PLCE1: variants seen among roughly 807,000 people sequenced by gnomAD.
PLCE1 encodes 1-phosphatidylinositol 4,5-bisphosphate phosphodiesterase epsilon-1.
Under a neutral mutation model 242.8 loss-of-function variants are expected in PLCE1, and 119 were observed. The ratio of observed to expected loss-of-function variants is 0.49; its 90% CI spans 0.42 to 0.57. PLCE1 has a LOEUF of 0.57. Among genes scored for constraint, PLCE1 ranks in the 20% least tolerant of loss-of-function variants. The pLI, the probability that PLCE1 is intolerant of heterozygous loss-of-function variation, is 0.00. For synonymous variants in PLCE1, 945 were observed against 1,017.4 expected (o/e 0.93, Z 1.35); for missense variants, 2,441 against 2,788.8 (o/e 0.88, Z 2.81).
chr10:94,244,165 T>G (rs1051149469), intron 7 of PLCE1, among the ~76,000 whole-genome samples: 4 of 152,142 alleles, frequency 2.6e-5, no homozygotes, highest in Non-Finnish European at 5.9e-5. Context: ...AACCTGCTGT[T>G]TGAAAGCAAG....
intron 19 of PLCE1, 82 bp downstream of exon 19, chr10:94,273,802 G>A: frequency 7.8e-7 from 1 of 1,281,540 alleles, no homozygotes; most frequent in Non-Finnish European, 1.1e-6. Context: ...CCTTTCAGAT[G>A]ACCTGCTGGT....
chr10:94,059,049 C>G (rs1050327267), intron 2 of PLCE1, among the ~76,000 whole-genome samples: 3 of 151,964 alleles, frequency 2.0e-5, no homozygotes, highest in Admixed American at 1.3e-4. Context: ...TATGTCAGAC[C>G]CACAAAGTTG....
At chr10:94,227,712 T>TA (rs936647776) in intron 5 of PLCE1, among the ~76,000 whole-genome samples, 4 of 152,194 alleles carry the variant, frequency 2.6e-5, no homozygotes, top group Admixed American at 6.5e-5. Flanking sequence ...CAAGTGAAAT[T>TA]ACTTGGTTGC....
In PLCE1 at chr10:94,321,033, A is replaced by C. The variant is rs117879002; in HGVS notation, c.6343-868A>C. Among the ~76,000 whole-genome samples, 277 of 152,338 alleles carry C rather than the reference A, an allele frequency of 1.8e-3. 1 individual carries two copies. The highest frequency in any genetic ancestry group is 3.5e-3 in the Admixed American group (53 of 15,300). On this transcript the variant is annotated intron_variant, in intron 29 of 32. Transcript: ENST00000371380. ...ATAAGATACATATATCTGTAGATAC[A>C]TAATCCACCAAAAAGCCAATTAATC... is the stretch of plus-strand genomic sequence containing the variant.
At chr10:94,165,411 G>A (rs1317195002) in intron 3 of PLCE1, among the ~76,000 whole-genome samples, 1 of 152,180 alleles carries the variant, frequency 6.6e-6, no homozygotes, top group Non-Finnish European at 1.5e-5. Context: ...GGCTCTGTGG[G>A]CGTAGGACCC....
At chr10:94,108,192 C>A (rs2045825546) in intron 2 of PLCE1, among the ~76,000 whole-genome samples, 1 of 152,190 alleles carries the variant, frequency 6.6e-6, no homozygotes, top group Non-Finnish European at 1.5e-5. Context: ...ATTGGTAAGG[C>A]CTCCCAACCC....
chr10:94,090,589 A>G (rs1171212143), intron 2 of PLCE1, among the ~76,000 whole-genome samples: 1 of 152,112 alleles, frequency 6.6e-6, no homozygotes, highest in Non-Finnish European at 1.5e-5. Flanking sequence ...TTTGTGGTAG[A>G]TGGATAGATG....
Position 94,321,959 on chromosome 10 carries a change from A to G in PLCE1, c.6401A>G (p.Glu2134Gly). 1.2e-6 allele frequency: 2 copies of G among 1,613,868 alleles called. No individual in the cohort carries two copies. Among genetic ancestry groups the G allele is most frequent in the Non-Finnish European group, 8.5e-7 (1 of 1,179,758 alleles). ...AAAGAGGTGATCTTGAGCTCAGAGG[A>G]GGAGAGTTTCTTTGTCCAAGTGCAT... The part of the protein sequence containing the change: ...DDKEVILSSE[E>G]ESFFVQVHDV... Residue 2134 changes from glutamate to glycine, a missense_variant, in exon 30 of 33, where the codon GAG (glutamate) becomes GGG (glycine). Physicochemically the swap from Glu to Gly is moderately conservative, Grantham distance 98 (BLOSUM62 -2). Around this residue, in one of 5 missense-constraint regions of PLCE1, gnomAD observed 310 missense variants for 317.2 expected, o/e 0.98. Transcript: ENST00000371380.
intron 2 of PLCE1, among the ~76,000 whole-genome samples, chr10:94,118,332 T>C (rs2046197585): frequency 6.6e-6 from 1 of 152,134 alleles, no homozygotes; most frequent in Non-Finnish European, 1.5e-5. Flanking sequence ...TTTCCCATAC[T>C]CCTGAGCCCT....
intron 4 of PLCE1, among the ~76,000 whole-genome samples, chr10:94,179,530 T>TTGTTTTTTTTTTTTTTGA (rs10636243): frequency 1.7e-5 from 2 of 118,826 alleles, no homozygotes; most frequent in Non-Finnish European, 1.7e-5. Flanking sequence ...TTTTTTTTTT[T>TTGTTTTTTTTTTTTTTGA]GACAGGGTCT....
At chr10:94,160,304 T>C (rs893276206) in intron 3 of PLCE1, among the ~76,000 whole-genome samples, 8 of 152,170 alleles carry the variant, frequency 5.3e-5, no homozygotes, top group African/African-American at 1.9e-4. Context: ...TTTTAATGAT[T>C]GCCATTCTAA....
In PLCE1 at chr10:94,329,795, A is replaced by C. The variant is rs1207197552; in HGVS notation, c.*1852A>C. 1 of 150,196 alleles carries C rather than the reference A, an allele frequency of 6.7e-6. No homozygotes were observed. Among genetic ancestry groups the C allele is most frequent in the Non-Finnish European group, 1.5e-5 (1 of 67,764 alleles). The allele number at this position is 150,196 out of a possible 1,614,324, so 9.3% of individuals were successfully genotyped here. A position where few individuals can be genotyped will look rare whatever the true frequency, so the allele number is the denominator to read the frequency against. On this transcript the variant is annotated 3_prime_UTR_variant, in exon 33 of 33. Coordinates refer to ENST00000371380, the MANE Select transcript of PLCE1 (RefSeq NM_016341.4). ...CCGTCTCAAAAAAAAAAAAAAAAAA[A>C]AAAAAAAAAAAAAAAACACCATACA...
intron 22 of PLCE1, 120 bp from the exon 23 acceptor site, chr10:94,293,388 T>C: frequency 8.9e-7 from 1 of 1,118,304 alleles, no homozygotes; most frequent in Non-Finnish European, 1.3e-6. Flanking sequence ...GCCAGTAGGG[T>C]TTCTGTACTA....
chr10:94,166,579 GGTGTGTGTGTGTGTGTGT>G (rs56088035), intron 3 of PLCE1, among the ~76,000 whole-genome samples: 1,672 of 145,966 alleles, frequency 0.011, 31 homozygotes, highest in African/African-American at 0.04. Flanking sequence ...AGAGAAAAAA[GGTGTGTGTGTGTGTGTGT>G]GTGTGTGTGT....
chr10:94,171,381 C>T lies in PLCE1; in HGVS notation c.1694C>T (p.Thr565Ile), dbSNP rs1433716770. 6.2e-7 allele frequency: 1 copy of T among 1,614,136 alleles called. No individual in the cohort carries two copies. The highest frequency in any genetic ancestry group is 8.5e-7 in the Non-Finnish European group (1 of 1,179,974). ...TGCTTCTTAACACGGGACTTGGGCACTCCTGAATGCCAGAGCTCCTTGCCC... is the reference window on the plus strand; with the variant it reads ...TGCTTCTTAACACGGGACTTGGGCATTCCTGAATGCCAGAGCTCCTTGCCC... The part of the protein sequence containing the change: ...YLCFLTRDLG[T>I]PECQSSLPCL... The change falls in exon 4 of 33, where the codon ACT becomes ATT. Residue 565 changes from threonine to isoleucine, a missense_variant. Transcript: ENST00000371380.
chr10:94,293,479 G>C, intron 22 of PLCE1, 29 bp from the exon 23 acceptor site: 2 of 1,610,440 alleles, frequency 1.2e-6, no homozygotes, highest in Non-Finnish European at 8.5e-7. Flanking sequence ...GTAGTTTTTG[G>C]CTTATTTATT....
In PLCE1 at chr10:94,265,655, G is replaced by A. The variant is rs1270551588; in HGVS notation, c.4062G>A (p.Glu1354=). 1 of 1,613,392 alleles carries A rather than the reference G, an allele frequency of 6.2e-7. No individual in the cohort carries two copies. The highest frequency in any genetic ancestry group is 1.3e-5 in the African/African-American group (1 of 74,822). The part of the protein sequence containing the change: ...DEILSIIQKF[E]PSISMCHQGL... Reference sequence around the variant, plus strand: ...TTTTTAATCCCTTGCAGAAGTTCGAGCCTAGCATCAGTATGTGTCATCAGG... The same window carrying A: ...TTTTTAATCCCTTGCAGAAGTTCGAACCTAGCATCAGTATGTGTCATCAGG... The change falls in exon 15 of 33, where the codon GAG becomes GAA. Residue 1354 remains glutamate, a synonymous_variant. Coordinates refer to ENST00000371380, the MANE Select transcript of PLCE1 (RefSeq NM_016341.4).
At chr10:94,254,397 A>G (rs113391132) in intron 10 of PLCE1, 90 bp downstream of exon 10, 5 of 872,916 alleles carry the variant, frequency 5.7e-6, no homozygotes. Flanking sequence ...TGATTTAAGC[A>G]TTGCAAACAT....
chr10:94,020,162 G>C (rs548917303), intron 1 of PLCE1, among the ~76,000 whole-genome samples: 58 of 152,228 alleles, frequency 3.8e-4, no homozygotes, highest in African/African-American at 1.3e-3. Flanking sequence ...TACCAACTTT[G>C]GTATGGCTGG....
Sources: gnomAD v4.1 joint callset for allele counts (sites outside exome capture counted in the v4.1 genomes callset) on GRCh38, gnomAD v4.1.1 for gene constraint, gnomAD v4.1.1 regional missense constraint, MANE v1.5 for transcripts, NCBI Gene and HGNC (gene_info 2026-07-23, HGNC 2026-07-21) for gene names.